The following GALNT13 variants were observed in gnomAD, a reference collection of about 807,000 sequenced individuals.
GALNT13 encodes polypeptide N-acetylgalactosaminyltransferase 13.
In GALNT13, 28 loss-of-function variants were observed where a neutral mutation model predicts 64.2. The ratio of observed to expected loss-of-function variants is 0.44; its 90% CI spans 0.32 to 0.60. GALNT13 has a LOEUF of 0.60. Among genes scored for constraint, GALNT13 ranks in the 20% least tolerant of loss-of-function variants. GALNT13 has a pLI of 0.05. For synonymous variants in GALNT13, 214 were observed against 224.6 expected, an observed-to-expected ratio of 0.95 and a Z score of 0.42; for missense variants, 577 against 669.8, an observed-to-expected ratio of 0.86 and a Z score of 1.53.
intron 4 of GALNT13, among the ~76,000 whole-genome samples, chr2:154,156,852 A>G (rs1266354879): frequency 6.6e-6 from 1 of 152,324 alleles, no homozygotes; most frequent in South Asian, 2.1e-4. Context: ...TGGAAAGACA[A>G]AAGTCCTTTA....
chr2:153,642,137 A>G, the GALNT13 span, among the ~76,000 whole-genome samples: 3 of 151,796 alleles, frequency 2.0e-5, no homozygotes, highest in Non-Finnish European at 4.4e-5. Context: ...TCGAGCCCTC[A>G]CTCATTGTCA....
At chr2:153,640,032 G>T in the GALNT13 span, among the ~76,000 whole-genome samples, 1 of 152,144 alleles carries the variant, frequency 6.6e-6, no homozygotes. Context: ...TAGTAGGAAC[G>T]TAGGGTGAAG....
At chr2:153,248,297 G>A in the GALNT13 span, among the ~76,000 whole-genome samples, 3 of 152,212 alleles carry the variant, frequency 2.0e-5, no homozygotes, top group Admixed American at 6.5e-5. Flanking sequence ...GATGAAAATC[G>A]ATGTGAAAAT....
the GALNT13 span, among the ~76,000 whole-genome samples, chr2:153,771,412 A>G: frequency 2.0e-5 from 3 of 152,160 alleles, no homozygotes; most frequent in Non-Finnish European, 2.9e-5. Context: ...TTGCATGGGA[A>G]GGAAATGGTA....
chr2:154,182,319 G>A (rs1370124750), intron 4 of GALNT13, among the ~76,000 whole-genome samples: 6 of 152,094 alleles, frequency 3.9e-5, no homozygotes, highest in Non-Finnish European at 8.8e-5. Flanking sequence ...ATACTGAAAA[G>A]CATAAATTGC....
chr2:153,657,300 T>C, the GALNT13 span, among the ~76,000 whole-genome samples: 11 of 152,058 alleles, frequency 7.2e-5, no homozygotes, highest in Non-Finnish European at 1.5e-4. Context: ...AGTTAGAATA[T>C]GATATGTATG....
intron 2 of GALNT13, among the ~76,000 whole-genome samples, chr2:153,911,996 G>A (rs988462501): frequency 1.3e-5 from 2 of 152,130 alleles, no homozygotes; most frequent in Middle Eastern, 3.2e-3. Flanking sequence ...CCTGAATCAT[G>A]CTTCCCAAGT....
chr2:153,478,887 C>G, the GALNT13 span: 4 of 330,262 alleles, frequency 1.2e-5, no homozygotes, highest in Non-Finnish European at 2.2e-5. Flanking sequence ...GCTGCAGCGG[C>G]GGGGTGGCTG....
At chr2:154,109,534 G>A (rs541671813) in intron 3 of GALNT13, among the ~76,000 whole-genome samples, 2 of 152,028 alleles carry the variant, frequency 1.3e-5, no homozygotes, top group South Asian at 4.2e-4. Context: ...GTAAGAGTGA[G>A]TATTATTGTC....
intron 4 of GALNT13, among the ~76,000 whole-genome samples, chr2:154,237,715 G>A (rs1302616999): frequency 6.6e-6 from 1 of 151,494 alleles, no homozygotes; most frequent in Non-Finnish European, 1.5e-5. Flanking sequence ...ATTAGCATGA[G>A]TTTTTCAAAC....
chr2:154,141,079 T>G (rs963249728), intron 4 of GALNT13, among the ~76,000 whole-genome samples: 1 of 152,126 alleles, frequency 6.6e-6, no homozygotes, highest in Non-Finnish European at 1.5e-5. Flanking sequence ...AGAAAAGGTA[T>G]AGTAAAAACA....
chr2:153,920,875 T>C (rs1484440969), intron 2 of GALNT13, among the ~76,000 whole-genome samples: 2 of 152,102 alleles, frequency 1.3e-5, no homozygotes, highest in African/African-American at 4.8e-5. Flanking sequence ...TGTGAAAACA[T>C]GCTCAACATC....
At chr2:153,391,528 G>T in the GALNT13 span, among the ~76,000 whole-genome samples, 1 of 152,014 alleles carries the variant, frequency 6.6e-6, no homozygotes, top group African/African-American at 2.4e-5. Context: ...TAGGTCTTTT[G>T]TTAAAAAATG....
At chr2:154,063,213 A>G (rs1700285273) in intron 3 of GALNT13, among the ~76,000 whole-genome samples, 1 of 152,238 alleles carries the variant, frequency 6.6e-6, no homozygotes, top group Admixed American at 6.5e-5. Flanking sequence ...TGGTCTTAGA[A>G]GGCTGCCACT....
At chr2:153,552,117 C>A in the GALNT13 span, among the ~76,000 whole-genome samples, 2 of 152,116 alleles carry the variant, frequency 1.3e-5, no homozygotes, top group Non-Finnish European at 2.9e-5. Context: ...CAAAAATTGA[C>A]CCCTGGATTT....
chr2:153,506,845 C>T, the GALNT13 span, among the ~76,000 whole-genome samples: 4 of 152,146 alleles, frequency 2.6e-5, no homozygotes, highest in African/African-American at 9.7e-5. Flanking sequence ...TGATGAATTT[C>T]CCAGGTGTTC....
At chr2:154,150,055 G>A (rs1393269619) in intron 4 of GALNT13, among the ~76,000 whole-genome samples, 6 of 152,084 alleles carry the variant, frequency 3.9e-5, no homozygotes, top group Admixed American at 6.5e-5. Context: ...TATGATATTC[G>A]CTGTGGGTTT....
At chr2:154,177,955 C>T (rs1242308515) in intron 4 of GALNT13, among the ~76,000 whole-genome samples, 1 of 152,150 alleles carries the variant, frequency 6.6e-6, no homozygotes, top group Non-Finnish European at 1.5e-5. Flanking sequence ...CTTCTGGCTT[C>T]TGAACCTTTA....
At chr2:154,227,953 C>T (rs1454183537) in intron 4 of GALNT13, among the ~76,000 whole-genome samples, 1 of 151,994 alleles carries the variant, frequency 6.6e-6, no homozygotes, top group African/African-American at 2.4e-5. Flanking sequence ...GTGGTATTTC[C>T]ATTTACAAAA....
Sources: gnomAD v4.1 joint callset for allele counts (sites outside exome capture counted in the v4.1 genomes callset) on GRCh38, gnomAD v4.1.1 for gene constraint, MANE v1.5 for transcripts, NCBI Gene and HGNC (gene_info 2026-07-23, HGNC 2026-07-21) for gene names.